The following KCNMA1 variants were observed in gnomAD, a reference collection of about 807,000 sequenced individuals.
The protein encoded by KCNMA1 is potassium calcium-activated channel subfamily M alpha 1, also known as Calcium-activated potassium channel subunit alpha-1.
Under a neutral mutation model 140.0 loss-of-function variants are expected in KCNMA1, and 29 were observed. That is an observed-to-expected ratio of 0.21 (90% CI 0.15 to 0.28). KCNMA1 has a LOEUF of 0.28. KCNMA1 is among the 10% of genes least tolerant of loss of function. The pLI, the probability that KCNMA1 is intolerant of heterozygous loss-of-function variation, is 1.00. For missense variants in KCNMA1, 880 were observed against 1,602.2 expected, an observed-to-expected ratio of 0.55 and a Z score of 7.70; for synonymous variants, 612 against 611.9, an observed-to-expected ratio of 1.00 and a Z score of 0.00.
intron 1 of KCNMA1, among the ~76,000 whole-genome samples, chr10:77,445,172 A>C (rs1419041715): frequency 6.6e-6 from 1 of 152,154 alleles, no homozygotes; most frequent in Non-Finnish European, 1.5e-5. Flanking sequence ...CACAGGAAAA[A>C]AATGGGGCTA....
At chr10:76,945,805 GT>G (rs1171967908) in intron 22 of KCNMA1, among the ~76,000 whole-genome samples, 3 of 63,336 alleles carry the variant, frequency 4.7e-5, no homozygotes, top group African/African-American at 2.7e-4. Flanking sequence ...TTTCATTTAT[GT>G]AAAAAAAAAA....
chr10:77,054,491 T>A (rs1272471925), intron 14 of KCNMA1, among the ~76,000 whole-genome samples: 1 of 152,124 alleles, frequency 6.6e-6, no homozygotes, highest in East Asian at 1.9e-4. Context: ...AGATATATGT[T>A]ACTTCTCAGT....
chr10:76,926,396 T>TTAA (rs372283888), intron 23 of KCNMA1, among the ~76,000 whole-genome samples: 2 of 152,078 alleles, frequency 1.3e-5, no homozygotes, highest in African/African-American at 4.8e-5. Flanking sequence ...ATTGAATGAG[T>TTAA]TAATAATAAT....
chr10:77,190,282 T>C (rs1430780087), intron 3 of KCNMA1, among the ~76,000 whole-genome samples: 1 of 152,236 alleles, frequency 6.6e-6, no homozygotes, highest in African/African-American at 2.4e-5. Context: ...TAATAATACC[T>C]GACAATTGTA....
At chr10:77,549,941 A>G (rs961511723) in intron 1 of KCNMA1, among the ~76,000 whole-genome samples, 1 of 152,208 alleles carries the variant, frequency 6.6e-6, no homozygotes, top group African/African-American at 2.4e-5. Flanking sequence ...CTCCTTGCCA[A>G]TGCTGGACAA....
rs185085253 is a variant in KCNMA1 at position 77,603,113 on chromosome 10, C to G, written c.378+34152G>C. ...TGACAGACTTCAGAGGGAAACAAATCAGGCATAAAAACTGCTAGAGGTTCC... is the reference window on the plus strand; with the variant it reads ...TGACAGACTTCAGAGGGAAACAAATGAGGCATAAAAACTGCTAGAGGTTCC... On this transcript the variant is annotated intron_variant, in intron 1 of 27. Coordinates refer to ENST00000286628, the MANE Select transcript of KCNMA1 (RefSeq NM_001161352.2). 2.0e-5 allele frequency among the ~76,000 whole-genome samples: 3 copies of G among 152,318 alleles called. No individual in the cohort carries two copies. The East Asian group carries it at 5.8e-4, about 29-fold the overall frequency.
intron 18 of KCNMA1, among the ~76,000 whole-genome samples, chr10:77,001,932 C>G (rs2153413609): frequency 6.6e-6 from 1 of 152,272 alleles, no homozygotes; most frequent in South Asian, 2.1e-4. Context: ...CAACACTTTT[C>G]CCCTGATATG....
chr10:77,400,927 T>C (rs1216015953), intron 2 of KCNMA1, among the ~76,000 whole-genome samples: 1 of 151,868 alleles, frequency 6.6e-6, no homozygotes, highest in Admixed American at 6.6e-5. Context: ...ATCACCCACA[T>C]GGGCTACCTG....
At chr10:77,144,977 G>T (rs2154030481) in intron 5 of KCNMA1, among the ~76,000 whole-genome samples, 1 of 152,208 alleles carries the variant, frequency 6.6e-6, no homozygotes, top group South Asian at 2.1e-4. Context: ...CTCTGCACAG[G>T]GTCTGACACT....
At chr10:77,583,426 C>T (rs1477651665) in intron 1 of KCNMA1, among the ~76,000 whole-genome samples, 1 of 152,210 alleles carries the variant, frequency 6.6e-6, no homozygotes, top group Non-Finnish European at 1.5e-5. Flanking sequence ...GTCCAGAAGG[C>T]ATATGGCATC....
chr10:77,058,386 T>C (rs1565830971), intron 14 of KCNMA1, among the ~76,000 whole-genome samples: 1 of 152,016 alleles, frequency 6.6e-6, no homozygotes, highest in Non-Finnish European at 1.5e-5. Flanking sequence ...ATAGAAGAAA[T>C]GAACAACACC....
chr10:77,588,895 C>T (rs947383248), intron 1 of KCNMA1, among the ~76,000 whole-genome samples: 121 of 152,230 alleles, frequency 7.9e-4, no homozygotes, highest in Non-Finnish European at 1.5e-4. Context: ...AAACGGAGTG[C>T]CGTTCCTGCC....
chr10:77,228,192 T>C (rs2052230724), intron 3 of KCNMA1, among the ~76,000 whole-genome samples: 1 of 152,086 alleles, frequency 6.6e-6, no homozygotes, highest in South Asian at 2.1e-4. Context: ...TTCGAACTCC[T>C]GACCTCAGGT....
intron 12 of KCNMA1, among the ~76,000 whole-genome samples, chr10:77,081,977 C>T (rs1339655721): frequency 7.3e-6 from 1 of 136,564 alleles, no homozygotes; most frequent in African/African-American, 2.7e-5. Context: ...TCTGATACTA[C>T]CTTTGACCAG....
intron 2 of KCNMA1, among the ~76,000 whole-genome samples, chr10:77,275,065 CT>C (rs1402295854): frequency 5.3e-5 from 8 of 152,184 alleles, no homozygotes; most frequent in Non-Finnish European, 1.2e-4. Flanking sequence ...CAATCATTAT[CT>C]TGAGTGTGGA....
intron 1 of KCNMA1, among the ~76,000 whole-genome samples, chr10:77,604,535 T>G (rs2083709869): frequency 8.7e-6 from 1 of 115,090 alleles, no homozygotes; most frequent in African/African-American, 3.7e-5. Flanking sequence ...TGAGACCTCA[T>G]TTCTACCCCC....
intron 23 of KCNMA1, among the ~76,000 whole-genome samples, chr10:76,932,597 T>G (rs190749351): frequency 6.6e-6 from 1 of 152,166 alleles, no homozygotes; most frequent in Non-Finnish European, 1.5e-5. Context: ...CCTCGGTGTT[T>G]TGGGGTGGGG....
intron 16 of KCNMA1, among the ~76,000 whole-genome samples, chr10:77,021,763 A>G (rs12782145): frequency 0.022 from 3,310 of 152,186 alleles, 56 homozygotes; most frequent in Admixed American, 0.032. Flanking sequence ...TCCCCATGTG[A>G]GGTGTAAGGC....
chr10:77,197,029 CA>C (rs565214747), intron 3 of KCNMA1, among the ~76,000 whole-genome samples: 30 of 146,490 alleles, frequency 2.0e-4, no homozygotes, highest in East Asian at 4.0e-4. Flanking sequence ...AGCCCTAAGG[CA>C]AAAAAAAAAT....
Sources: gnomAD v4.1 joint callset for allele counts (sites outside exome capture counted in the v4.1 genomes callset) on GRCh38, gnomAD v4.1.1 for gene constraint, MANE v1.5 for transcripts, NCBI Gene and HGNC (gene_info 2026-07-23, HGNC 2026-07-21) for gene names.